Variants in CPSF1 observed in about 807,000 individuals in gnomAD.
CPSF1 encodes the protein cleavage and polyadenylation specific factor 1.
A neutral mutation model predicts 175.8 loss-of-function variants in CPSF1; 106 were observed. The ratio of observed to expected loss-of-function variants is 0.60; its 90% confidence interval spans 0.52 to 0.71. The LOEUF is 0.71. Ranked by LOEUF, CPSF1 falls within the 30% of genes least tolerant of loss-of-function variation. The pLI is 0.00. For synonymous variants in CPSF1, 1,024 were observed against 858.3 expected, an observed-to-expected ratio of 1.19 and a Z score of -3.37; for missense variants, 1,734 against 2,022.9, an observed-to-expected ratio of 0.86 and a Z score of 2.74.
In CPSF1 at chr8:144,393,601, C is replaced by A. The variant is rs781874168; in HGVS notation, c.4146-11G>T. On this transcript the variant is annotated splice_polypyrimidine_tract_variant and intron_variant, in intron 36 of 37. Transcript: ENST00000616140. The stretch of plus-strand genomic sequence containing the variant: ...TCCACGTGCAGCATCCTGGGGCGTA[C>A]AGGCACAGGTGTCAGGGCAGGCTGG... 1 of 1,600,654 alleles carries A rather than the reference C, an allele frequency of 6.2e-7. No homozygotes were observed. The highest frequency in any genetic ancestry group is 1.7e-5 in the Admixed American group (1 of 58,554).
chr8:144,395,223 A>G (rs782464588), intron 28 of CPSF1, 41 bp from the exon 29 acceptor site: 1 of 1,612,810 alleles, frequency 6.2e-7, no homozygotes, highest in East Asian at 2.2e-5. Flanking sequence ...GGGCTTCCCC[A>G]AGATGCGGCT....
chr8:144,407,944 T>G (rs1404331016), intron 2 of CPSF1, among the ~76,000 whole-genome samples: 1 of 152,144 alleles, frequency 6.6e-6, no homozygotes, highest in African/African-American at 2.4e-5. Context: ...GAGGGGCCCA[T>G]GTGGTGAGGA....
chr8:144,393,380 A>AG lies in CPSF1; in HGVS notation c.4285-16dup. 3 of 498,712 alleles carry AG rather than the reference A, an allele frequency of 6.0e-6. No homozygotes were observed. Among genetic ancestry groups the AG allele is most frequent in the Middle Eastern group, 6.5e-4 (1 of 1,534 alleles). 30.9% of individuals were successfully genotyped at this position (498,712 alleles called of 1,614,324 possible). A position where few individuals can be genotyped will look rare whatever the true frequency, so the allele number is the denominator to read the frequency against. On this transcript the variant is annotated splice_polypyrimidine_tract_variant and intron_variant, in intron 37 of 37. Transcript: ENST00000616140. Reference sequence around the variant, plus strand: ...TCGTCCAGGATCTGCAGGGGATGGAAGGGTGGGTGGGTGGGTGGGTGGGGA... The same window carrying AG: ...TCGTCCAGGATCTGCAGGGGATGGAAGGGGTGGGTGGGTGGGTGGGTGGGGA...
At chr8:144,400,559 C>T (rs145477989) in intron 7 of CPSF1, 66 bp from the exon 8 acceptor site, 44,225 of 1,607,436 alleles carry the variant, frequency 0.028, 771 homozygotes, top group Non-Finnish European at 0.029. Flanking sequence ...CAGCTCCTCC[C>T]GAGCAAGCCC....
rs2116911988 is a variant in CPSF1 at position 144,408,830 on chromosome 8, A to T, written c.144+185T>A. Among the ~76,000 whole-genome samples the T allele has an allele frequency of 1.1e-3, 162 of 152,320 alleles. 2 individuals are homozygous for T. Among genetic ancestry groups the T allele is most frequent in the African/African-American group, 3.4e-3 (142 of 41,576 alleles). ...GGTGGGGTAGGAAGGGAGGCAGAAC[A>T]GGGTAGCAGCTGTGAGAAAGGATCT... On this transcript the variant is annotated intron_variant, in intron 2 of 37. Transcript: ENST00000616140.
intron 9 of CPSF1, 26 bp downstream of exon 9, chr8:144,400,140 C>CCCT: frequency 4.8e-6 from 6 of 1,242,180 alleles, no homozygotes; most frequent in South Asian, 1.4e-5. Context: ...CCCGGGCCCC[C>CCCT]CCCGCCCCAG....
In CPSF1 at chr8:144,398,583, G is replaced by A; in HGVS notation, c.1694C>T (p.Ala565Val). ...TEQEPSTTPEADDDGRRHGFL... is the reference protein window; with the variant it reads ...TEQEPSTTPEVDDDGRRHGFL... ...TCCGTGTCTGCGGCCGTCGTCGTCTGCTTCAGGGGTGGTGCTGGGTTCCTG... is the reference window on the plus strand; with the variant it reads ...TCCGTGTCTGCGGCCGTCGTCGTCTACTTCAGGGGTGGTGCTGGGTTCCTG... Residue 565 changes from alanine to valine, a missense_variant, in exon 18 of 38, where the codon GCA becomes GTA. This residue lies in a region of CPSF1 where 280 missense variants were observed against 349.2 expected (regional missense o/e 0.80). Transcript: ENST00000616140. 1 of 1,613,948 alleles carries A rather than the reference G, an allele frequency of 6.2e-7. No individual in the cohort carries two copies. Among genetic ancestry groups the A allele is most frequent in the Non-Finnish European group, 8.5e-7 (1 of 1,179,976 alleles).
In CPSF1 at chr8:144,399,982, A is replaced by C. The variant is rs1292659635; in HGVS notation, c.1031+10T>G. ...TGTGGGCAGAGTTCATGGGCGGGGG[A>C]GGGGCTCACATCTCGCCGCCCTTGA... On this transcript the variant is annotated intron_variant, in intron 10 of 37. Coordinates refer to ENST00000616140, the MANE Select transcript of CPSF1 (RefSeq NM_013291.3). This position sits in a 1 kb window ranked among gnomAD's most constrained non-coding sequence, Gnocchi z 6.4. 6.3e-7 allele frequency: 1 copy of C among 1,590,538 alleles called. No homozygotes were observed. Among genetic ancestry groups the C allele is most frequent in the Non-Finnish European group, 8.6e-7 (1 of 1,169,044 alleles).
chr8:144,400,135 G>GCCCCCCCCCCCCCCCCCCCCCCC (rs1491238659), intron 9 of CPSF1, 31 bp downstream of exon 9: 39 of 896,702 alleles, frequency 4.3e-5, no homozygotes, highest in Non-Finnish European at 5.5e-5. Flanking sequence ...CCGTCCCCGG[G>GCCCCCCCCCCCCCCCCCCCCCCC]CCCCCCCCGC....
chr8:144,398,491 C>CCGCAGGT, intron 18 of CPSF1, 34 bp downstream of exon 18: 2 of 1,612,134 alleles, frequency 1.2e-6, no homozygotes, highest in Non-Finnish European at 1.7e-6. Context: ...GGGACCCCAG[C>CCGCAGGT]CCCAGGTCCC....
At position 144,397,287 on chromosome 8, in the gene CPSF1, T is replaced by G; in HGVS notation, c.2512A>C (p.Thr838Pro). The change falls in exon 23 of 38, where the codon ACG becomes CCG. Residue 838 changes from threonine (T) to proline (P), a missense_variant. Thr to Pro is a conservative substitution (Grantham distance 38). Coordinates refer to ENST00000616140, the MANE Select transcript of CPSF1 (RefSeq NM_013291.3). Reference sequence around the variant, plus strand: ...ACGAGGGGCAGCTCCCCCTGGCGCGTGGCCTCCTCCCTGCGGGCCTCGCCC... The same window carrying G: ...ACGAGGGGCAGCTCCCCCTGGCGCGGGGCCTCCTCCCTGCGGGCCTCGCCC... ...TQGEARREEA[T>P]RQGELPLVKE... 1 of 1,550,022 alleles carries G rather than the reference T, an allele frequency of 6.5e-7. No individual in the cohort carries two copies. Among genetic ancestry groups the G allele is most frequent in the Non-Finnish European group, 8.7e-7 (1 of 1,147,296 alleles).
At chr8:144,400,135 G>GGGGGCGCCCCCCC in intron 9 of CPSF1, 31 bp downstream of exon 9, 1 of 896,012 alleles carries the variant, frequency 1.1e-6, no homozygotes, top group Non-Finnish European at 1.6e-6. Context: ...CCGTCCCCGG[G>GGGGGCGCCCCCCC]CCCCCCCCGC....
chr8:144,402,912 T>C (rs1821297268), intron 2 of CPSF1, among the ~76,000 whole-genome samples: 1 of 152,212 alleles, frequency 6.6e-6, no homozygotes, highest in Non-Finnish European at 1.5e-5. Flanking sequence ...GCAGGGGTAT[T>C]GTAACACAAC....
In CPSF1 at chr8:144,394,178, AG is replaced by A. The variant is rs782211712; in HGVS notation, c.3812-19del. 4.6e-5 allele frequency: 74 copies of A among 1,612,584 alleles called. No individual in the cohort carries two copies. The African/African-American group carries it at 7.2e-4, about 16-fold the overall frequency. On this transcript the variant is annotated intron_variant, in intron 33 of 37. Transcript: ENST00000616140. ...GTCAGACACTGGGGAGCAGAGGCCC[AG>A]GGTCAGCCCCGGCCACCCCCAGAGC...
In CPSF1 at chr8:144,397,883, C is replaced by A. The variant is rs2977834; in HGVS notation, c.2074-4G>T. On this transcript the variant is annotated splice_region_variant and splice_polypyrimidine_tract_variant and intron_variant, in intron 20 of 37. Transcript: ENST00000616140. ...ACAGCGTAATCACCTTGGACTGCTG[C>A]GGGGAGAGGGGTGGGCTCAGCGGCG... 1.9e-6 allele frequency: 3 copies of A among 1,602,776 alleles called. No individual in the cohort carries two copies. The highest frequency in any genetic ancestry group is 2.6e-6 in the Non-Finnish European group (3 of 1,174,162).
At position 144,394,419 on chromosome 8, in the gene CPSF1, C is replaced by T. The variant is rs1554862753; in HGVS notation, c.3704G>A (p.Arg1235His). 6.2e-7 allele frequency: 1 copy of T among 1,608,462 alleles called. No homozygotes were observed. The highest frequency in any genetic ancestry group is 8.5e-7 in the Non-Finnish European group (1 of 1,178,068). ...CAGCGTCTTGCTTTCCTCCTGGTAG[C>T]GCAGCAGCGAAATGCTCTTCATGAC... The part of the protein sequence containing the change: ...ADVMKSISLL[R>H]YQEESKTLSL... Residue 1235 changes from arginine to histidine, a missense_variant, in exon 32 of 38, where the codon CGC (arginine) becomes CAC (histidine). By Grantham distance (29) the Arg-to-His change is conservative. Coordinates refer to ENST00000616140, the MANE Select transcript of CPSF1 (RefSeq NM_013291.3).
Position 144,393,351 on chromosome 8 carries a change from C to A in CPSF1, c.4299G>T (p.Leu1433Phe). 7.0e-7 allele frequency: 1 copy of A among 1,433,300 alleles called. No individual in the cohort carries two copies. 88.8% of individuals were successfully genotyped at this position (1,433,300 alleles called of 1,614,324 possible). Residue 1433 changes from leucine (L) to phenylalanine (F), a missense_variant, in exon 38 of 38, where the codon TTG (leucine) becomes TTT (phenylalanine). Physicochemically the swap from Leu to Phe is conservative, Grantham distance 22. Around this residue, in one of 10 missense-constraint regions of CPSF1, gnomAD observed 323 missense variants for 338.5 expected, o/e 0.95. Transcript: ENST00000616140. ...GTTPDIILDD[L>F]LETDRVTAHF ...GGGCGGTGACGCGGTCCGTCTCCAG[C>A]AAGTCGTCCAGGATCTGCAGGGGAT...
At chr8:144,397,014 A>G (rs1396060502) in intron 23 of CPSF1, 85 bp from the exon 24 acceptor site, 2 of 1,072,252 alleles carry the variant, frequency 1.9e-6, no homozygotes, top group Non-Finnish European at 2.8e-6. Context: ...GGCTGTGGGT[A>G]AGGGGCGGGG....
chr8:144,397,916 G>A (rs782392331), intron 20 of CPSF1, 37 bp from the exon 21 acceptor site: 1 of 1,599,368 alleles, frequency 6.3e-7, no homozygotes, highest in Non-Finnish European at 8.5e-7. Context: ...GCGGGCAAGG[G>A]GCAGGGACAG....
Sources: allele counts gnomAD v4.1 joint callset (sites outside exome capture counted in the v4.1 genomes callset), GRCh38; gene constraint gnomAD v4.1.1; regional missense constraint gnomAD v4.1.1; non-coding constraint Gnocchi (gnomAD v3.1); transcripts MANE v1.5; gene names NCBI Gene and HGNC (gene_info 2026-07-23, HGNC 2026-07-21).